ZBTB20: variants seen among roughly 807,000 people sequenced by gnomAD.
ZBTB20 encodes the protein zinc finger and BTB domain-containing protein 20.
In ZBTB20, 9 loss-of-function variants were observed where a neutral mutation model predicts 56.9. That is an observed-to-expected ratio of 0.16 (90% CI 0.10 to 0.28). ZBTB20 has a LOEUF of 0.28. Among genes scored for constraint, ZBTB20 ranks in the 10% least tolerant of loss-of-function variants. The pLI, the probability that ZBTB20 is intolerant of heterozygous loss-of-function variation, is 1.00. For synonymous variants in ZBTB20, 417 were observed against 420.7 expected, an observed-to-expected ratio of 0.99 and a Z score of 0.11; for missense variants, 655 against 1,003.0, an observed-to-expected ratio of 0.65 and a Z score of 4.69.
chr3:115,111,125 T>C (rs2083869612), intron 1 of ZBTB20, among the ~76,000 whole-genome samples: 1 of 152,056 alleles, frequency 6.6e-6, no homozygotes. Flanking sequence ...AAATATGATG[T>C]ACTACTCTAT....
intron 7 of ZBTB20, among the ~76,000 whole-genome samples, chr3:114,442,757 A>T (rs552361896): frequency 1.3e-5 from 2 of 152,252 alleles, no homozygotes; most frequent in East Asian, 3.9e-4. Flanking sequence ...GAAACCTTGA[A>T]GGACTGGCAA....
intron 4 of ZBTB20, among the ~76,000 whole-genome samples, chr3:114,838,269 T>C (rs2074213749): frequency 6.6e-6 from 1 of 152,212 alleles, no homozygotes; most frequent in Non-Finnish European, 1.5e-5. Flanking sequence ...AATGATGGTA[T>C]TTGATACATC....
chr3:114,925,805 T>C (rs1489391775), intron 3 of ZBTB20, among the ~76,000 whole-genome samples: 4 of 152,126 alleles, frequency 2.6e-5, no homozygotes, highest in South Asian at 2.1e-4. Flanking sequence ...GGATTACAGG[T>C]GTGAGCCACT....
At position 114,988,096 on chromosome 3, in the gene ZBTB20, T is replaced by C. The variant is rs554684498; in HGVS notation, c.-506-13680A>G. On this transcript the variant is annotated intron_variant, in intron 2 of 11. Coordinates refer to ENST00000675478, the MANE Select transcript of ZBTB20 (RefSeq NM_001348800.3). ...CAAGTGATGGTATCCAGTTTCTTTT[T>C]TTTTTTTTTTTTAATTATGCTTTAA... Among the ~76,000 whole-genome samples, 532 of 151,472 alleles carry C rather than the reference T, an allele frequency of 3.5e-3. 5 individuals carry two copies. Among genetic ancestry groups the C allele is most frequent in the African/African-American group, 0.012 (505 of 41,374 alleles).
intron 6 of ZBTB20, among the ~76,000 whole-genome samples, chr3:114,584,675 C>G (rs975225544): frequency 3.3e-5 from 5 of 152,120 alleles, no homozygotes; most frequent in Non-Finnish European, 7.4e-5. Flanking sequence ...TGCAATTTGC[C>G]AAGTCTAAAA....
intron 1 of ZBTB20, among the ~76,000 whole-genome samples, chr3:115,111,757 T>A (rs1057379554): frequency 6.6e-6 from 1 of 152,168 alleles, no homozygotes; most frequent in African/African-American, 2.4e-5. Flanking sequence ...ATTAGAGAAG[T>A]TTTAGGTAGT....
intron 2 of ZBTB20, among the ~76,000 whole-genome samples, chr3:114,982,516 AAAAT>A (rs2108095271): frequency 6.6e-6 from 1 of 152,116 alleles, no homozygotes; most frequent in African/African-American, 2.4e-5. Flanking sequence ...GCTGACTTAA[AAAAT>A]AAATAAAATA....
intron 2 of ZBTB20, among the ~76,000 whole-genome samples, chr3:115,012,193 G>T (rs561214005): frequency 6.6e-6 from 1 of 151,784 alleles, no homozygotes; most frequent in South Asian, 2.1e-4. Flanking sequence ...AAAACAAAAT[G>T]GCGGGAGTAA....
intron 7 of ZBTB20, among the ~76,000 whole-genome samples, chr3:114,393,694 GT>G (rs1279557071): frequency 6.6e-6 from 1 of 152,172 alleles, no homozygotes; most frequent in East Asian, 1.9e-4. Context: ...AGTGTACTCG[GT>G]TTTTAAGTCA....
At chr3:114,809,659 C>G (rs1186963131) in intron 4 of ZBTB20, among the ~76,000 whole-genome samples, 2 of 152,212 alleles carry the variant, frequency 1.3e-5, no homozygotes, top group Middle Eastern at 3.4e-3. Context: ...AGTTTAACAT[C>G]TGCTATCTCC....
intron 6 of ZBTB20, among the ~76,000 whole-genome samples, chr3:114,566,431 C>T (rs2052765314): frequency 6.6e-6 from 1 of 152,164 alleles, no homozygotes; most frequent in African/African-American, 2.4e-5. Flanking sequence ...GGGCAGTCAA[C>T]CCTATGAAGC....
intron 1 of ZBTB20, among the ~76,000 whole-genome samples, chr3:115,075,541 G>A (rs889224588): frequency 1.3e-5 from 2 of 151,934 alleles, no homozygotes; most frequent in Non-Finnish European, 2.9e-5. Context: ...GGACATTTAG[G>A]TTGTTTCCAC....
intron 6 of ZBTB20, among the ~76,000 whole-genome samples, chr3:114,548,353 C>A (rs2050146115): frequency 1.3e-5 from 2 of 152,106 alleles, no homozygotes; most frequent in Non-Finnish European, 2.9e-5. Context: ...TCAGTACTGA[C>A]CTTTTACATT....
chr3:115,035,919 T>C (rs755733711), intron 2 of ZBTB20, among the ~76,000 whole-genome samples: 24 of 152,100 alleles, frequency 1.6e-4, no homozygotes, highest in Non-Finnish European at 2.9e-5. Context: ...TGACATATGC[T>C]ACAACATCAG....
At chr3:115,084,275 T>C (rs78731490) in intron 1 of ZBTB20, among the ~76,000 whole-genome samples, 1,919 of 97,766 alleles carry the variant, frequency 0.02, 29 homozygotes, top group Non-Finnish European at 0.025. Context: ...CCATACTGCA[T>C]GAAGAGTGCC....
At chr3:114,843,670 A>AGC (rs2074498427) in intron 4 of ZBTB20, among the ~76,000 whole-genome samples, 1 of 151,824 alleles carries the variant, frequency 6.6e-6, no homozygotes, top group African/African-American at 2.4e-5. Flanking sequence ...TGGCCAGCCA[A>AGC]GCATATATAT....
At chr3:114,536,996 G>A (rs1199798518) in intron 6 of ZBTB20, among the ~76,000 whole-genome samples, 1 of 152,078 alleles carries the variant, frequency 6.6e-6, no homozygotes, top group Non-Finnish European at 1.5e-5. Flanking sequence ...ACTCAAGATG[G>A]ATTAAAGACC....
At chr3:114,681,158 ATTTTTTTTTTT>A (rs10576152) in intron 6 of ZBTB20, among the ~76,000 whole-genome samples, 1 of 121,058 alleles carries the variant, frequency 8.3e-6, no homozygotes, top group African/African-American at 2.8e-5. Flanking sequence ...TGAGCGTATA[ATTTTTTTTTTT>A]TTTTTTTTGA....
At chr3:114,879,628 G>A (rs566607337) in intron 4 of ZBTB20, among the ~76,000 whole-genome samples, 2 of 152,248 alleles carry the variant, frequency 1.3e-5, no homozygotes, top group Non-Finnish European at 2.9e-5. Context: ...TTGTCAGTAA[G>A]TTTTACAATA....
Sources: gnomAD v4.1 joint callset for allele counts (sites outside exome capture counted in the v4.1 genomes callset) on GRCh38, gnomAD v4.1.1 for gene constraint, MANE v1.5 for transcripts, NCBI Gene and HGNC (gene_info 2026-07-23, HGNC 2026-07-21) for gene names.